Variants in BFSP1 observed in about 807,000 individuals in gnomAD.
BFSP1 encodes filensin.
Under a neutral mutation model 43.9 loss-of-function variants are expected in BFSP1, and 38 were observed. The observed-to-expected ratio is 0.87, with a 90% CI of 0.67 to 1.14. BFSP1 has a LOEUF of 1.14. Among genes scored for constraint, BFSP1 ranks in the 50% most tolerant of loss-of-function variants. The probability of loss-of-function intolerance (pLI) is 0.00; values close to 1 mark genes in which losing one functional copy is unlikely to be tolerated. For missense variants in BFSP1, 850 were observed against 875.1 expected (o/e 0.97, Z 0.36); for synonymous variants, 352 against 354.8 (o/e 0.99, Z 0.09).
chr20:17,512,206 G>A (rs1459776305), intron 3 of BFSP1, 138 bp from the exon 4 acceptor site: 5 of 642,386 alleles, frequency 7.8e-6, no homozygotes, highest in African/African-American at 1.8e-5. Flanking sequence ...AGGTTCAGGA[G>A]GAAGAAGAGA....
In BFSP1 at chr20:17,525,033, T is replaced by C. The variant is rs1009870990; in HGVS notation, c.378-125A>G. 16 of 823,954 alleles carry C rather than the reference T, an allele frequency of 1.9e-5. No homozygotes were observed. Among genetic ancestry groups the C allele is most frequent in the Non-Finnish European group, 2.9e-5 (14 of 482,446 alleles). 51.0% of individuals were successfully genotyped at this position (823,954 alleles called of 1,614,324 possible). A position where few individuals can be genotyped will look rare whatever the true frequency, so the allele number is the denominator to read the frequency against. ...CTCCTTTAAGGAGAGGGTCTTAATT[T>C]TAAAGTAGTAGCTAACGAATGCTGC... On this transcript the variant is annotated intron_variant, in intron 1 of 7. Coordinates refer to ENST00000377873, the MANE Select transcript of BFSP1 (RefSeq NM_001195.5). This position sits in a 1 kb window ranked among gnomAD's most constrained non-coding sequence, Gnocchi z 4.2.
intron 1 of BFSP1, among the ~76,000 whole-genome samples, chr20:17,567,192 G>A (rs1276674429): frequency 6.6e-6 from 1 of 152,064 alleles, no homozygotes; most frequent in Admixed American, 6.5e-5. Context: ...GAAGTTCAGT[G>A]GGACCTAAAA....
chr20:17,519,696 A>G (rs1259557722), intron 2 of BFSP1, among the ~76,000 whole-genome samples: 2 of 152,218 alleles, frequency 1.3e-5, no homozygotes, highest in East Asian at 3.8e-4. Context: ...AACTGCTCAT[A>G]GTGATAGTAA....
intron 5 of BFSP1, among the ~76,000 whole-genome samples, chr20:17,501,178 GATGATCATT>G: frequency 6.6e-6 from 1 of 152,364 alleles, no homozygotes. Context: ...CACCCTGGAA[GATGATCATT>G]GCCATCAAAA....
rs537288887 is a variant in BFSP1, at chr20:17,538,544, C to T, written c.3-13636G>A. Among the ~76,000 whole-genome samples, 7 of 152,320 alleles carry T rather than the reference C, an allele frequency of 4.6e-5. No individual in the cohort carries two copies. The East Asian group carries it at 5.8e-4, about 13-fold the overall frequency. ...TTGATTCACCAGATGGTATCATGAT[C>T]TCAGCAACCAGGATTTCATTGACAA... On this transcript the variant is annotated intron_variant, in intron 1 of 7. Coordinates refer to the BFSP1 transcript ENST00000377868.
intron 1 of BFSP1, among the ~76,000 whole-genome samples, chr20:17,545,099 G>A (rs1427787717): frequency 6.6e-6 from 1 of 152,190 alleles, no homozygotes. Flanking sequence ...GGACAAAAGA[G>A]TTTTCCCAGG....
chr20:17,514,354 T>C (rs17780180), intron 3 of BFSP1, among the ~76,000 whole-genome samples: 3,290 of 152,252 alleles, frequency 0.022, 52 homozygotes, highest in Middle Eastern at 0.041. Flanking sequence ...GCTCCTGCAA[T>C]TAACGGGCTC....
intron 4 of BFSP1, among the ~76,000 whole-genome samples, chr20:17,511,434 C>G (rs2034075530): frequency 6.6e-6 from 1 of 152,144 alleles, no homozygotes; most frequent in Non-Finnish European, 1.5e-5. Flanking sequence ...AGGAAACAAA[C>G]CAATTTTTTA....
chr20:17,550,679 G>T (rs953682379), intron 1 of BFSP1, among the ~76,000 whole-genome samples: 4 of 152,024 alleles, frequency 2.6e-5, no homozygotes, highest in African/African-American at 9.7e-5. Context: ...CACCATGTTG[G>T]CCAGGCTGGT....
intron 5 of BFSP1, among the ~76,000 whole-genome samples, chr20:17,501,015 T>TC (rs1356101486): frequency 6.6e-6 from 1 of 152,146 alleles, no homozygotes; most frequent in Non-Finnish European, 1.5e-5. Flanking sequence ...GGCCGGAGAC[T>TC]CCGCCTTGCT....
intron 1 of BFSP1, among the ~76,000 whole-genome samples, chr20:17,553,794 TACACACACAC>T (rs144515006): frequency 0.056 from 5,913 of 104,718 alleles, 457 homozygotes; most frequent in African/African-American, 0.13. Flanking sequence ...TATATATATA[TACACACACAC>T]ACACACACAC....
intron 1 of BFSP1, among the ~76,000 whole-genome samples, chr20:17,542,215 G>T (rs2034729071): frequency 6.6e-6 from 1 of 151,974 alleles, no homozygotes; most frequent in Non-Finnish European, 1.5e-5. Context: ...CACCTCATCG[G>T]TAGCTTGAAA....
chr20:17,523,449 G>C (rs1477390082), intron 2 of BFSP1, among the ~76,000 whole-genome samples: 1 of 151,932 alleles, frequency 6.6e-6, no homozygotes, highest in Non-Finnish European at 1.5e-5. Flanking sequence ...GCAGTCTGAG[G>C]TTGCACAAAA....
chr20:17,536,661 A>G (rs2034633824), intron 1 of BFSP1, among the ~76,000 whole-genome samples: 1 of 152,228 alleles, frequency 6.6e-6, no homozygotes, highest in South Asian at 2.1e-4. Flanking sequence ...CCTTTTAGTC[A>G]ATTTCATACT....
At chr20:17,567,042 C>A (rs1600691588) in intron 1 of BFSP1, among the ~76,000 whole-genome samples, 1 of 152,278 alleles carries the variant, frequency 6.6e-6, no homozygotes, top group East Asian at 1.9e-4. Flanking sequence ...CTTCAAATAC[C>A]ATCACATTGG....
At chr20:17,504,834 G>A (rs1006914022) in intron 5 of BFSP1, among the ~76,000 whole-genome samples, 2 of 152,064 alleles carry the variant, frequency 1.3e-5, no homozygotes, top group African/African-American at 4.8e-5. Context: ...GCAGGAGCCT[G>A]ACGCGAGCCC....
At position 17,495,094 on chromosome 20, in the gene BFSP1, G is replaced by C. The variant is rs2033600488; in HGVS notation, c.1043-65C>G. The C allele has an allele frequency of 2.1e-6, 3 of 1,450,096 alleles. No homozygotes were observed. The South Asian group carries it at 3.9e-5, about 19-fold the overall frequency. The allele number at this position is 1,450,096 out of a possible 1,614,324, so 89.8% of individuals were successfully genotyped here. Reference sequence around the variant, plus strand: ...ACTGAGAGAGAAAGAAAATACGCTGGTTGGAAAATAGGCTAACTCTCTCGG... The same window carrying C: ...ACTGAGAGAGAAAGAAAATACGCTGCTTGGAAAATAGGCTAACTCTCTCGG... On this transcript the variant is annotated intron_variant, in intron 7 of 7. Coordinates refer to ENST00000377873, the MANE Select transcript of BFSP1 (RefSeq NM_001195.5).
chr20:17,549,326 C>T (rs1370645287), intron 1 of BFSP1, among the ~76,000 whole-genome samples: 2 of 152,172 alleles, frequency 1.3e-5, no homozygotes, highest in Non-Finnish European at 2.9e-5. Context: ...GTTTAATTGA[C>T]TCATGGTTCC....
chr20:17,535,374 C>CA (rs1293790645), upstream of BFSP1, among the ~76,000 whole-genome samples: 20 of 151,994 alleles, frequency 1.3e-4, no homozygotes, highest in East Asian at 2.9e-3. Flanking sequence ...ACTAAAAATA[C>CA]AAAAAAATTA....
Sources: gnomAD v4.1 joint callset for allele counts (sites outside exome capture counted in the v4.1 genomes callset) on GRCh38, gnomAD v4.1.1 for gene constraint, Gnocchi (gnomAD v3.1) non-coding constraint, MANE v1.5 for transcripts, NCBI Gene and HGNC (gene_info 2026-07-23, HGNC 2026-07-21) for gene names.